THSD4: variants seen among roughly 807,000 people sequenced by gnomAD.
THSD4 encodes the protein thrombospondin type 1 domain containing 4.
In THSD4, 69 loss-of-function variants were observed where a neutral mutation model predicts 119.0. The ratio of observed to expected loss-of-function variants is 0.58; its 90% CI spans 0.48 to 0.71. The LOEUF (loss-of-function observed/expected upper bound fraction) is 0.71. Among genes scored for constraint, THSD4 ranks in the 30% least tolerant of loss-of-function variants. THSD4 has a pLI of 0.00. For synonymous variants in THSD4, 524 were observed against 540.4 expected, an observed-to-expected ratio of 0.97 and a Z score of 0.42; for missense variants, 1,393 against 1,391.1, an observed-to-expected ratio of 1.00 and a Z score of -0.02.
intron 6 of THSD4, among the ~76,000 whole-genome samples, chr15:71,374,221 G>T (rs1767783532): frequency 6.6e-6 from 1 of 152,184 alleles, no homozygotes; most frequent in Admixed American, 6.5e-5. Flanking sequence ...GATGCAGAGG[G>T]AAGTGTACCT....
intron 7 of THSD4, among the ~76,000 whole-genome samples, chr15:71,543,697 G>T (rs373113995): frequency 6.6e-6 from 1 of 152,196 alleles, no homozygotes; most frequent in African/African-American, 2.4e-5. Context: ...CGACCTACAG[G>T]TCAGGAGGGA....
chr15:71,529,871 T>C lies in THSD4; in HGVS notation c.1152+118048T>C, dbSNP rs568471529. Among the ~76,000 whole-genome samples the C allele has an allele frequency of 1.9e-3, 295 of 152,322 alleles. 1 individual carries two copies. Among genetic ancestry groups the C allele is most frequent in the Non-Finnish European group, 3.4e-3 (232 of 68,024 alleles). On this transcript the variant is annotated intron_variant, in intron 7 of 17. Transcript: ENST00000261862. ...CTACCTCCCAGCCTAATGCCTGACG[T>C]AATAAATATTAAAACCCTACCCTTT...
At chr15:71,506,620 C>T (rs2048193685) in intron 7 of THSD4, among the ~76,000 whole-genome samples, 1 of 152,240 alleles carries the variant, frequency 6.6e-6, no homozygotes, top group South Asian at 2.1e-4. Flanking sequence ...CCATGTAATT[C>T]ACACAAAACA....
At chr15:71,640,561 G>A (rs1011308259) in intron 7 of THSD4, among the ~76,000 whole-genome samples, 15 of 152,270 alleles carry the variant, frequency 9.9e-5, no homozygotes, top group African/African-American at 3.1e-4. Context: ...AGAACCGAGA[G>A]CAGGAAGGAC....
intron 7 of THSD4, among the ~76,000 whole-genome samples, chr15:71,576,216 T>C (rs2049446398): frequency 6.6e-6 from 1 of 152,188 alleles, no homozygotes; most frequent in African/African-American, 2.4e-5. Context: ...TCTGAAAACC[T>C]GTGGTTGAAT....
chr15:71,508,683 C>CATT (rs1295919061), intron 7 of THSD4, among the ~76,000 whole-genome samples: 1 of 152,180 alleles, frequency 6.6e-6, no homozygotes. Context: ...AAGTGAGATA[C>CATT]ATTTTCAGTG....
intron 11 of THSD4, among the ~76,000 whole-genome samples, chr15:71,742,225 T>A (rs2053250727): frequency 6.6e-6 from 1 of 152,158 alleles, no homozygotes; most frequent in Non-Finnish European, 1.5e-5. Context: ...TGGTCAAATT[T>A]CCCTTTGTCT....
At chr15:71,196,868 C>T (rs904208213) in intron 3 of THSD4, among the ~76,000 whole-genome samples, 2 of 152,042 alleles carry the variant, frequency 1.3e-5, no homozygotes, top group African/African-American at 2.4e-5. Context: ...TCATGGTATG[C>T]GTGGCAGAAA....
intron 4 of THSD4, among the ~76,000 whole-genome samples, chr15:71,219,754 T>G (rs906864568): frequency 6.6e-6 from 1 of 152,204 alleles, no homozygotes; most frequent in Non-Finnish European, 1.5e-5. Context: ...ATTATTCACA[T>G]TTTATAAACA....
intron 1 of THSD4, among the ~76,000 whole-genome samples, chr15:71,118,055 C>T (rs984521140): frequency 6.6e-6 from 1 of 152,110 alleles, no homozygotes; most frequent in South Asian, 2.1e-4. Context: ...AGGGCAGTTA[C>T]CACTGGGCTT....
At chr15:71,339,133 T>C (rs1452538673) in intron 6 of THSD4, among the ~76,000 whole-genome samples, 1 of 152,194 alleles carries the variant, frequency 6.6e-6, no homozygotes, top group Non-Finnish European at 1.5e-5. Flanking sequence ...GTTCTGCCCT[T>C]AAGATATCAC....
intron 6 of THSD4, among the ~76,000 whole-genome samples, chr15:71,332,891 CATTTTT>C (rs1944723160): frequency 2.6e-5 from 1 of 38,036 alleles, no homozygotes; most frequent in African/African-American, 7.4e-5. Context: ...GATTTTTTTA[CATTTTT>C]TTTTTTTTTT....
At chr15:71,745,307 A>G in intron 12 of THSD4, 72 bp downstream of exon 12, 2 of 1,567,480 alleles carry the variant, frequency 1.3e-6, no homozygotes, top group Non-Finnish European at 1.7e-6. Context: ...GGACCTTAGG[A>G]ACAGATATAA....
rs76523378 is a variant in THSD4 at position 71,273,262 on chromosome 15, G to A, written c.1015+16547G>A. ...GTGACAACATGGGTAAACCTGGAGG[G>A]CGTTATGCTATGTGAAATAAGCCAG... On this transcript the variant is annotated intron_variant, in intron 6 of 17. Coordinates refer to ENST00000261862, the MANE Select transcript of THSD4 (RefSeq NM_024817.3). Among the ~76,000 whole-genome samples, 141 of 152,296 alleles carry A rather than the reference G, an allele frequency of 9.3e-4. 1 individual carries two copies. The East Asian group carries it at 0.023, about 25-fold the overall frequency.
At chr15:71,371,941 C>T (rs889214015) in intron 6 of THSD4, among the ~76,000 whole-genome samples, 2 of 152,226 alleles carry the variant, frequency 1.3e-5, no homozygotes, top group Non-Finnish European at 2.9e-5. Context: ...CTGGTCTTTT[C>T]ACATAGTCCC....
At chr15:71,461,246 C>T (rs1422763582) in intron 7 of THSD4, among the ~76,000 whole-genome samples, 1 of 152,196 alleles carries the variant, frequency 6.6e-6, no homozygotes, top group African/African-American at 2.4e-5. Flanking sequence ...GGCCTCAGAT[C>T]CCTGCCACAT....
intron 8 of THSD4, among the ~76,000 whole-genome samples, chr15:71,724,422 A>G (rs1371494964): frequency 6.6e-6 from 1 of 151,022 alleles, no homozygotes; most frequent in Non-Finnish European, 1.5e-5. Context: ...AGTAGCTGGG[A>G]CTACAGGTGC....
intron 6 of THSD4, among the ~76,000 whole-genome samples, chr15:71,382,453 C>G (rs1281206517): frequency 6.6e-6 from 1 of 152,124 alleles, no homozygotes; most frequent in African/African-American, 2.4e-5. Context: ...ATATAAAATT[C>G]CTTTTATAAT....
chr15:71,132,430 G>A (rs2040512128), intron 1 of THSD4, among the ~76,000 whole-genome samples: 1 of 152,190 alleles, frequency 6.6e-6, no homozygotes, highest in African/African-American at 2.4e-5. Flanking sequence ...AAAGCTACAT[G>A]TGTGATTTTG....
Sources: allele counts gnomAD v4.1 joint callset (sites outside exome capture counted in the v4.1 genomes callset), GRCh38; gene constraint gnomAD v4.1.1; transcripts MANE v1.5; gene names NCBI Gene and HGNC (gene_info 2026-07-23, HGNC 2026-07-21).